THSD4: variants seen among roughly 807,000 people sequenced by gnomAD.
THSD4 encodes thrombospondin type-1 domain-containing protein 4.
In THSD4, 69 loss-of-function variants were observed where a neutral mutation model predicts 119.0. The ratio of observed to expected loss-of-function variants is 0.58; its 90% CI spans 0.48 to 0.71. The LOEUF (loss-of-function observed/expected upper bound fraction) is 0.71, where lower values mean the gene tolerates loss of function less well. THSD4 is among the 30% of genes least tolerant of loss of function. The probability of loss-of-function intolerance (pLI) is 0.00; values close to 1 mark genes in which losing one functional copy is unlikely to be tolerated. For synonymous variants in THSD4, 524 were observed against 540.4 expected, an observed-to-expected ratio of 0.97 and a Z score of 0.42; for missense variants, 1,393 against 1,391.1, an observed-to-expected ratio of 1.00 and a Z score of -0.02.
At chr15:71,516,885 T>A (rs933758356) in intron 7 of THSD4, among the ~76,000 whole-genome samples, 15 of 152,246 alleles carry the variant, frequency 9.9e-5, no homozygotes, top group African/African-American at 3.4e-4. Flanking sequence ...TTAATTTAAA[T>A]GAAATAAAAT....
chr15:71,442,169 A>G (rs539553104), intron 7 of THSD4, among the ~76,000 whole-genome samples: 1 of 152,076 alleles, frequency 6.6e-6, no homozygotes, highest in South Asian at 2.1e-4. Flanking sequence ...TGTGTTGGCC[A>G]TGATGGTCTC....
At chr15:71,756,159 C>T (rs896936688) in intron 14 of THSD4, among the ~76,000 whole-genome samples, 1 of 152,146 alleles carries the variant, frequency 6.6e-6, no homozygotes, top group Non-Finnish European at 1.5e-5. Flanking sequence ...GTTCTCAACA[C>T]CTGGCAGCCC....
chr15:71,736,794 C>T (rs1336252489), intron 10 of THSD4, among the ~76,000 whole-genome samples: 1 of 152,242 alleles, frequency 6.6e-6, no homozygotes, highest in Non-Finnish European at 1.5e-5. Flanking sequence ...GAAGGGAAAG[C>T]TGTTGACTTC....
At chr15:71,523,909 G>A (rs2048478449) in intron 7 of THSD4, among the ~76,000 whole-genome samples, 1 of 152,180 alleles carries the variant, frequency 6.6e-6, no homozygotes, top group African/African-American at 2.4e-5. Context: ...AAAGACATTT[G>A]GGGGACACTG....
At chr15:71,186,172 A>T (rs1403455716) in intron 3 of THSD4, 3 of 152,186 alleles carry the variant, frequency 2.0e-5, no homozygotes, top group Non-Finnish European at 4.4e-5. Flanking sequence ...TTAATAAGTA[A>T]GATGCAATGG....
chr15:71,160,748 A>G (rs1365831108), intron 3 of THSD4, among the ~76,000 whole-genome samples: 1 of 149,784 alleles, frequency 6.7e-6, no homozygotes, highest in South Asian at 2.1e-4. Flanking sequence ...CAAAACACAA[A>G]CTGTTTATTT....
At chr15:71,650,791 G>A (rs1366510148) in intron 7 of THSD4, among the ~76,000 whole-genome samples, 1 of 152,164 alleles carries the variant, frequency 6.6e-6, no homozygotes, top group Non-Finnish European at 1.5e-5. Context: ...GCCTCAGCCC[G>A]CCTGCACCCT....
chr15:71,238,022 G>A (rs2044120160), intron 4 of THSD4, among the ~76,000 whole-genome samples: 1 of 152,044 alleles, frequency 6.6e-6, no homozygotes, highest in Admixed American at 6.6e-5. Context: ...ACTGTGCACT[G>A]TCATGTTCTT....
intron 7 of THSD4, among the ~76,000 whole-genome samples, chr15:71,460,329 A>G: frequency 1.0e-5 from 1 of 95,332 alleles, no homozygotes; most frequent in Admixed American, 1.1e-4. Context: ...TTTTTTTTTG[A>G]AAGCATGCCA....
At chr15:71,771,658 C>T (rs1003490484) in intron 17 of THSD4, among the ~76,000 whole-genome samples, 1 of 151,976 alleles carries the variant, frequency 6.6e-6, no homozygotes, top group Non-Finnish European at 1.5e-5. Context: ...CTCAGAGGGG[C>T]GTAGTGCAAG....
At chr15:71,701,038 A>G (rs1313018514) in intron 8 of THSD4, among the ~76,000 whole-genome samples, 1 of 152,158 alleles carries the variant, frequency 6.6e-6, no homozygotes, top group Non-Finnish European at 1.5e-5. Context: ...AATCTGATTT[A>G]ATAAGAATTG....
chr15:71,111,173 G>A (rs1192587978), upstream of THSD4: 1 of 1,611,898 alleles, frequency 6.2e-7, no homozygotes. Context: ...ACCAGATGTG[G>A]GGTGAGAAAG....
At chr15:71,209,808 G>A (rs1388267394) in intron 3 of THSD4, among the ~76,000 whole-genome samples, 1 of 152,152 alleles carries the variant, frequency 6.6e-6, no homozygotes, top group African/African-American at 2.4e-5. Flanking sequence ...ACTGAATCAT[G>A]GGGGCGGGTC....
At chr15:71,129,124 C>T (rs1237962854) in intron 1 of THSD4, among the ~76,000 whole-genome samples, 4 of 152,118 alleles carry the variant, frequency 2.6e-5, no homozygotes, top group Non-Finnish European at 4.4e-5. Context: ...CCTGGAAGGA[C>T]GGTTATGCCA....
chr15:71,716,589 T>TG (rs2052613942), intron 8 of THSD4, among the ~76,000 whole-genome samples: 2 of 18,420 alleles, frequency 1.1e-4, no homozygotes, highest in East Asian at 8.6e-3. Context: ...TGTTGGTTTT[T>TG]GTTTTTTTTT....
At chr15:71,591,653 A>C (rs1279363106) in intron 7 of THSD4, among the ~76,000 whole-genome samples, 2 of 152,038 alleles carry the variant, frequency 1.3e-5, no homozygotes, top group African/African-American at 4.8e-5. Context: ...TGTTGGGAGT[A>C]TGAGGCCCAG....
intron 8 of THSD4, among the ~76,000 whole-genome samples, chr15:71,672,839 A>T (rs1012257224): frequency 2.6e-5 from 4 of 152,190 alleles, no homozygotes; most frequent in Non-Finnish European, 5.9e-5. Context: ...GGATGAAGCC[A>T]ACTTGATCTT....
At chr15:71,461,201 T>C (rs1278939426) in intron 7 of THSD4, among the ~76,000 whole-genome samples, 1 of 152,196 alleles carries the variant, frequency 6.6e-6, no homozygotes, top group Non-Finnish European at 1.5e-5. Flanking sequence ...GTCTCACTCA[T>C]GTGCCTAGTT....
chr15:71,579,827 C>T (rs72739274), intron 7 of THSD4, among the ~76,000 whole-genome samples: 10,065 of 152,174 alleles, frequency 0.066, 369 homozygotes, highest in Admixed American at 0.12. Flanking sequence ...ACCTGCCCAA[C>T]TCTATGTATA....
Sources: gnomAD v4.1 joint callset for allele counts (sites outside exome capture counted in the v4.1 genomes callset) on GRCh38, gnomAD v4.1.1 for gene constraint, MANE v1.5 for transcripts, NCBI Gene and HGNC (gene_info 2026-07-23, HGNC 2026-07-21) for gene names.